The following AMMECR1 variants were observed in gnomAD, a reference collection of about 807,000 sequenced individuals.
AMMECR1 encodes AMMECR nuclear protein 1.
AMMECR1 carries 3 observed loss-of-function variants against 22.5 expected under a neutral mutation model. The ratio of observed to expected loss-of-function variants is 0.13; its 90% CI spans 0.06 to 0.35. The LOEUF is 0.35. Among genes scored for constraint, AMMECR1 ranks in the 10% least tolerant of loss-of-function variants. The pLI, the probability that AMMECR1 is intolerant of heterozygous loss-of-function variation, is 1.00. For synonymous variants in AMMECR1, 130 were observed against 116.7 expected, an observed-to-expected ratio of 1.11 and a Z score of -0.74; for missense variants, 235 against 278.7, an observed-to-expected ratio of 0.84 and a Z score of 1.12.
intron 1 of AMMECR1, among the ~76,000 whole-genome samples, chrX:110,305,754 T>C (rs1416441384): frequency 9.0e-6 from 1 of 111,219 alleles, no homozygotes; most frequent in Non-Finnish European, 1.9e-5. Flanking sequence ...CATTATGCAA[T>C]TTATCTTCCA....
chrX:110,270,601 C>T (rs751560074), intron 1 of AMMECR1, among the ~76,000 whole-genome samples: 51 of 112,237 alleles, frequency 4.5e-4, no homozygotes, highest in Non-Finnish European at 9.4e-5. Context: ...GCACAATCTC[C>T]TCTTCCTCCT....
intron 1 of AMMECR1, among the ~76,000 whole-genome samples, chrX:110,283,326 G>C (rs1045928548): frequency 1.8e-5 from 2 of 112,425 alleles, no homozygotes; most frequent in Admixed American, 9.4e-5. Context: ...TTTATTGAGA[G>C]AAGACTAAGG....
At chrX:110,413,291 C>T (rs1478988005) in intron 2 of AMMECR1, among the ~76,000 whole-genome samples, 1 of 111,467 alleles carries the variant, frequency 9.0e-6, no homozygotes, top group African/African-American at 3.3e-5. Context: ...TGAGTCTCCA[C>T]GGCGGATCTC....
chrX:110,352,124 A>G (rs2068213499), intron 2 of AMMECR1, among the ~76,000 whole-genome samples: 1 of 112,436 alleles, frequency 8.9e-6, no homozygotes, highest in East Asian at 2.8e-4. Flanking sequence ...TAAAGGGAAT[A>G]TTAAATGGTG....
intron 2 of AMMECR1, chrX:110,346,554 G>A (rs2068189809): frequency 2.3e-6 from 1 of 427,520 alleles, no homozygotes; most frequent in Non-Finnish European, 4.2e-6. Flanking sequence ...TTCAGAGGTA[G>A]ATGTTAAGGA....
chrX:110,355,489 A>T (rs1054121708), intron 2 of AMMECR1, among the ~76,000 whole-genome samples: 2 of 112,393 alleles, frequency 1.8e-5, no homozygotes, highest in African/African-American at 6.5e-5. Flanking sequence ...TGTGAAAAAA[A>T]ATGCTCAACA....
chrX:110,343,501 G>A (rs1205371177), intron 2 of AMMECR1, among the ~76,000 whole-genome samples: 1 of 111,033 alleles, frequency 9.0e-6, no homozygotes, highest in South Asian at 3.8e-4. Flanking sequence ...AGGGCAATCA[G>A]GCAGGAGAAA....
intron 1 of AMMECR1, among the ~76,000 whole-genome samples, chrX:110,272,792 G>C (rs1331195492): frequency 8.9e-6 from 1 of 111,757 alleles, no homozygotes; most frequent in Non-Finnish European, 1.9e-5. Context: ...AATTTACTTA[G>C]GACAATGACC....
intron 2 of AMMECR1, among the ~76,000 whole-genome samples, chrX:110,418,282 C>A (rs1262571443): frequency 8.9e-6 from 1 of 112,189 alleles, no homozygotes; most frequent in Admixed American, 9.4e-5. Context: ...AGGTACTCTG[C>A]CCCAAAGGCT....
intron 2 of AMMECR1, among the ~76,000 whole-genome samples, chrX:110,326,506 T>G (rs1402442166): frequency 1.8e-5 from 2 of 112,058 alleles, no homozygotes; most frequent in East Asian, 2.8e-4. Context: ...TTTATGTTTT[T>G]TGAGGCTTCT....
chrX:110,248,373 G>A (rs767339318), intron 2 of AMMECR1, among the ~76,000 whole-genome samples: 21 of 108,358 alleles, frequency 1.9e-4, no homozygotes, highest in Non-Finnish European at 3.4e-4. Flanking sequence ...GTGACAGAGC[G>A]AGATCCTGTC....
intron 2 of AMMECR1, among the ~76,000 whole-genome samples, chrX:110,410,429 G>C (rs1356596669): frequency 8.9e-6 from 1 of 112,141 alleles, no homozygotes; most frequent in Admixed American, 9.4e-5. Flanking sequence ...CAATATCTTT[G>C]ACGATGTCTA....
intron 2 of AMMECR1, among the ~76,000 whole-genome samples, chrX:110,365,230 CT>C (rs2068289607): frequency 8.9e-6 from 1 of 111,753 alleles, no homozygotes; most frequent in Non-Finnish European, 1.9e-5. Context: ...AGCAGACTTA[CT>C]GAGTTAGTAT....
At chrX:110,250,347 T>A (rs2067680773) in intron 2 of AMMECR1, among the ~76,000 whole-genome samples, 1 of 111,828 alleles carries the variant, frequency 8.9e-6, no homozygotes, top group African/African-American at 3.3e-5. Context: ...AGGTCTATCT[T>A]GGAATCTCTG....
chrX:110,298,625 C>CT (rs781280701), intron 1 of AMMECR1, among the ~76,000 whole-genome samples: 91 of 111,530 alleles, frequency 8.2e-4, no homozygotes, highest in African/African-American at 2.9e-3. Flanking sequence ...ATATGAGACT[C>CT]TGGGTTTAGG....
At chrX:110,411,219 G>C (rs1014943574) in intron 2 of AMMECR1, among the ~76,000 whole-genome samples, 2 of 111,969 alleles carry the variant, frequency 1.8e-5, no homozygotes, top group African/African-American at 6.5e-5. Context: ...GAATGGAGCT[G>C]TGATGAGTTC....
At chrX:110,251,897 T>C (rs960400039) in intron 2 of AMMECR1, among the ~76,000 whole-genome samples, 1 of 112,042 alleles carries the variant, frequency 8.9e-6, no homozygotes, top group Non-Finnish European at 1.9e-5. Context: ...CCTACCTACA[T>C]GTGTCCAAGA....
intron 2 of AMMECR1, among the ~76,000 whole-genome samples, chrX:110,404,268 C>T (rs760559787): frequency 3.6e-5 from 4 of 111,736 alleles, no homozygotes; most frequent in East Asian, 5.6e-4. Context: ...ATCCCTTAAT[C>T]GTCTTCATTG....
chrX:110,417,717 A>AGAT (rs941405733), intron 2 of AMMECR1, among the ~76,000 whole-genome samples: 1 of 112,446 alleles, frequency 8.9e-6, no homozygotes, highest in Non-Finnish European at 1.9e-5. Context: ...GAGGTGATGA[A>AGAT]GATGATGATG....
Sources: gnomAD v4.1 joint callset for allele counts (sites outside exome capture counted in the v4.1 genomes callset) on GRCh38, gnomAD v4.1.1 for gene constraint, MANE v1.5 for transcripts, NCBI Gene and HGNC (gene_info 2026-07-23, HGNC 2026-07-21) for gene names.